NIM1K: variants seen among roughly 807,000 people sequenced by gnomAD.
NIM1K encodes the protein serine/threonine-protein kinase NIM1.
Under a neutral mutation model 37.1 loss-of-function variants are expected in NIM1K, and 35 were observed. That is an observed-to-expected ratio of 0.94 (90% confidence interval 0.72 to 1.25). NIM1K has a LOEUF of 1.25. Ranked by LOEUF, NIM1K falls within the 50% of genes most tolerant of loss-of-function variation. NIM1K has a pLI of 0.00. For missense variants in NIM1K, 564 were observed against 548.0 expected (o/e 1.03, Z -0.29); for synonymous variants, 234 against 206.6 (o/e 1.13, Z -1.14).
At chr5:43,226,547 G>A (rs1364664993) in intron 1 of NIM1K, among the ~76,000 whole-genome samples, 1 of 152,190 alleles carries the variant, frequency 6.6e-6, no homozygotes, top group African/African-American at 2.4e-5. Context: ...CAAGTCTGGA[G>A]AAGAAAATCA....
intron 2 of NIM1K, among the ~76,000 whole-genome samples, chr5:43,261,092 G>T (rs1242425626): frequency 6.6e-6 from 1 of 152,146 alleles, no homozygotes; most frequent in Non-Finnish European, 1.5e-5. Context: ...TGTCTTTATA[G>T]CAGCATGATT....
intron 1 of NIM1K, among the ~76,000 whole-genome samples, chr5:43,235,242 C>A (rs866623758): frequency 4.6e-5 from 7 of 152,170 alleles, no homozygotes; most frequent in African/African-American, 1.7e-4. Context: ...AATTAATTAT[C>A]CAATTCTTCA....
intron 1 of NIM1K, chr5:43,233,116 C>A (rs1420994337): frequency 1.2e-5 from 16 of 1,343,632 alleles, no homozygotes; most frequent in Non-Finnish European, 1.7e-5. Flanking sequence ...GGGCTCCCAG[C>A]AGGCATTGCC....
In NIM1K at chr5:43,255,754, A is replaced by AAAAAGAAAGAAAG. The variant is rs112325348; in HGVS notation, c.292+9690_292+9691insAGAAAGAAAGAAA. On this transcript the variant is annotated intron_variant, in intron 2 of 3. Coordinates refer to ENST00000326035, the MANE Select transcript of NIM1K (RefSeq NM_153361.4). ...CAGAGCCAGACTCTGTCTCAAAAAA[A>AAAAAGAAAGAAAG]AAAGAAAGAAAGAAAGAAAGAAAGA... 3.2e-3 allele frequency among the ~76,000 whole-genome samples: 424 copies of AAAAAGAAAGAAAG among 131,832 alleles called. 6 individuals carry two copies. The East Asian group carries it at 0.051, about 16-fold the overall frequency. 86.5% of individuals were successfully genotyped at this position (131,832 alleles called of 152,430 possible). A position where few individuals can be genotyped will look rare whatever the true frequency, so the allele number is the denominator to read the frequency against.
chr5:43,271,371 A>G (rs1334996439), intron 2 of NIM1K, among the ~76,000 whole-genome samples: 1 of 151,280 alleles, frequency 6.6e-6, no homozygotes. Flanking sequence ...ATTCACTGGG[A>G]TGAGGAAAAA....
chr5:43,241,065 T>G (rs1752695467), intron 1 of NIM1K, among the ~76,000 whole-genome samples: 1 of 152,016 alleles, frequency 6.6e-6, no homozygotes, highest in Non-Finnish European at 1.5e-5. Flanking sequence ...TTGTACCGAT[T>G]TATACTTCAG....
intron 1 of NIM1K, among the ~76,000 whole-genome samples, chr5:43,230,693 T>C (rs1418461987): frequency 6.6e-6 from 1 of 152,186 alleles, no homozygotes; most frequent in Non-Finnish European, 1.5e-5. Context: ...TCTCTGGTGA[T>C]TTTCATGCAG....
intron 1 of NIM1K, among the ~76,000 whole-genome samples, chr5:43,242,213 G>C (rs1179261268): frequency 6.6e-6 from 1 of 151,974 alleles, no homozygotes; most frequent in African/African-American, 2.4e-5. Context: ...CTCCCTCTCT[G>C]TTGAATTGGG....
At chr5:43,256,412 G>T (rs1440624784) in intron 2 of NIM1K, among the ~76,000 whole-genome samples, 1 of 152,194 alleles carries the variant, frequency 6.6e-6, no homozygotes, top group Non-Finnish European at 1.5e-5. Context: ...TACTCAAAAG[G>T]TTAGGTAAAC....
chr5:43,238,470 T>C (rs576614499), intron 1 of NIM1K, among the ~76,000 whole-genome samples: 1 of 152,122 alleles, frequency 6.6e-6, no homozygotes, highest in African/African-American at 2.4e-5. Flanking sequence ...TTCTGCTTCT[T>C]CATGGCTCTA....
chr5:43,277,155 C>G lies in NIM1K; in HGVS notation c.391C>G (p.Pro131Ala), dbSNP rs751708862. Residue 131 changes from proline to alanine, a missense_variant, in exon 3 of 4, where the codon CCC becomes GCC. Coordinates refer to ENST00000326035, the MANE Select transcript of NIM1K (RefSeq NM_153361.4). ...EISSMEKLHH[P>A]NIIRLYEVVE... ...CTCCAGCATGGAAAAGCTGCACCAT[C>G]CCAACATCATCCGCCTTTACGAAGT... The G allele has an allele frequency of 6.2e-7, 1 of 1,614,022 alleles. No individual in the cohort carries two copies. The highest frequency in any genetic ancestry group is 1.3e-5 in the African/African-American group (1 of 74,928).
At position 43,197,277 on chromosome 5, in the gene NIM1K, C is replaced by T. The variant is rs370247975; in HGVS notation, c.-695+4866C>T. 3.3e-5 allele frequency among the ~76,000 whole-genome samples: 5 copies of T among 152,036 alleles called. No homozygotes were observed. In the South Asian group the frequency reaches 6.2e-4, roughly 19 times the overall value. On this transcript the variant is annotated intron_variant, in intron 1 of 3. Transcript: ENST00000326035. ...CAGAGTAGCTGGGACTACAGGCATG[C>T]ACCATCATGTCCAGCTAAGTTTTTT...
At chr5:43,205,126 G>A (rs534270200) in intron 1 of NIM1K, among the ~76,000 whole-genome samples, 2 of 152,298 alleles carry the variant, frequency 1.3e-5, no homozygotes, top group African/African-American at 4.8e-5. Flanking sequence ...TGGACTTCAT[G>A]GCAGTGGCCT....
intron 1 of NIM1K, among the ~76,000 whole-genome samples, chr5:43,205,615 C>G (rs189167514): frequency 6.6e-6 from 1 of 152,268 alleles, no homozygotes; most frequent in African/African-American, 2.4e-5. Flanking sequence ...AAAAAAATGG[C>G]TACTCTCAAA....
chr5:43,279,153 T>A (rs1753399114), intron 3 of NIM1K, among the ~76,000 whole-genome samples: 1 of 152,096 alleles, frequency 6.6e-6, no homozygotes, highest in Non-Finnish European at 1.5e-5. Context: ...TCTTATTGAG[T>A]TTGTTTATAT....
chr5:43,251,426 G>C (rs891377618), intron 2 of NIM1K, among the ~76,000 whole-genome samples: 1 of 152,194 alleles, frequency 6.6e-6, no homozygotes, highest in Admixed American at 6.5e-5. Context: ...AGTCTTAAAG[G>C]TTCCACTTTG....
intron 1 of NIM1K, among the ~76,000 whole-genome samples, chr5:43,196,912 A>G (rs1398811023): frequency 2.1e-5 from 3 of 142,262 alleles, no homozygotes; most frequent in African/African-American, 7.8e-5. Context: ...AGCTGGGGCT[A>G]TAGGTGCACG....
chr5:43,264,141 G>T (rs149159813), intron 2 of NIM1K, among the ~76,000 whole-genome samples: 1 of 152,128 alleles, frequency 6.6e-6, no homozygotes, highest in Non-Finnish European at 1.5e-5. Flanking sequence ...TTAGGTCTGC[G>T]TGGTGCAGAG....
chr5:43,202,187 T>A (rs941953076), intron 1 of NIM1K, among the ~76,000 whole-genome samples: 1 of 152,100 alleles, frequency 6.6e-6, no homozygotes, highest in Non-Finnish European at 1.5e-5. Flanking sequence ...AATTTTTTTT[T>A]ATTTTTATTT....
Sources: allele counts gnomAD v4.1 joint callset (sites outside exome capture counted in the v4.1 genomes callset), GRCh38; gene constraint gnomAD v4.1.1; transcripts MANE v1.5; gene names NCBI Gene and HGNC (gene_info 2026-07-23, HGNC 2026-07-21).